Variants in SKIL observed in about 807,000 individuals in gnomAD.
SKIL encodes the protein ski-like protein.
In SKIL, 20 loss-of-function variants were observed where a neutral mutation model predicts 69.6. That is an observed-to-expected ratio of 0.29 (90% CI 0.20 to 0.42). The LOEUF (loss-of-function observed/expected upper bound fraction) is 0.42. SKIL is among the 10% of genes least tolerant of loss of function. The pLI is 1.00. For missense variants in SKIL, 745 were observed against 783.1 expected (o/e 0.95, Z 0.58); for synonymous variants, 310 against 279.9 (o/e 1.11, Z -1.08).
At chr3:170,375,929 G>C (rs1329569968) in intron 2 of SKIL, among the ~76,000 whole-genome samples, 1 of 151,954 alleles carries the variant, frequency 6.6e-6, no homozygotes, top group Middle Eastern at 3.2e-3. Context: ...GATTTCTTGG[G>C]CAGTACATCT....
intron 2 of SKIL, among the ~76,000 whole-genome samples, chr3:170,365,540 C>G (rs1736458667): frequency 6.6e-6 from 1 of 152,120 alleles, no homozygotes. Flanking sequence ...CTTTTGGTCC[C>G]AAGCATTTCT....
At chr3:170,358,475 G>T in intron 1 of SKIL, 1 of 152,672 alleles carries the variant, frequency 6.5e-6, no homozygotes, top group Non-Finnish European at 1.5e-5. Context: ...GAGATAGGTG[G>T]GTGGCTTTGA....
chr3:170,373,894 T>C (rs1336527207), intron 2 of SKIL, among the ~76,000 whole-genome samples: 2 of 151,940 alleles, frequency 1.3e-5, no homozygotes, highest in African/African-American at 4.8e-5. Context: ...AAAAAAAAAA[T>C]GTCTAAGAAT....
chr3:170,370,672 A>G (rs1736763716), intron 2 of SKIL, among the ~76,000 whole-genome samples: 1 of 152,162 alleles, frequency 6.6e-6, no homozygotes, highest in Admixed American at 6.5e-5. Context: ...GAGATTTCAA[A>G]TGGCATTAAA....
At chr3:170,392,176 T>G (rs1737958941) in intron 6 of SKIL, 83 bp from the exon 7 acceptor site, 6 of 1,145,334 alleles carry the variant, frequency 5.2e-6, no homozygotes, top group Non-Finnish European at 7.4e-6. Context: ...AAAAGTAATT[T>G]GAAAATAGAT....
chr3:170,384,476 T>C (rs1737517547), intron 3 of SKIL, 57 bp from the exon 4 acceptor site: 9 of 788,074 alleles, frequency 1.1e-5, no homozygotes, highest in Admixed American at 2.6e-5. Flanking sequence ...ACATATTTGA[T>C]TTTTACTTAA....
At chr3:170,390,916 A>G in intron 5 of SKIL, 120 bp from the exon 6 acceptor site, 5 of 624,614 alleles carry the variant, frequency 8.0e-6, no homozygotes, top group Admixed American at 3.0e-5. Flanking sequence ...AATTACCTCT[A>G]TATAGAACTG....
chr3:170,380,388 A>G (rs1486609113), intron 2 of SKIL, among the ~76,000 whole-genome samples: 2 of 152,270 alleles, frequency 1.3e-5, no homozygotes, highest in East Asian at 1.9e-4. Flanking sequence ...CATGCCTGTA[A>G]TCCCTGCACT....
At position 170,390,326 on chromosome 3, in the gene SKIL, C is replaced by T. The variant is rs754964253; in HGVS notation, c.1533C>T (p.Ala511=). 2.7e-5 allele frequency: 44 copies of T among 1,613,768 alleles called. No individual in the cohort carries two copies. The highest frequency in any genetic ancestry group is 3.3e-4 in the Middle Eastern group (2 of 6,082). The change falls in exon 5 of 7, where the codon GCC becomes GCT. Residue 511 remains alanine (A), a synonymous_variant. Coordinates refer to ENST00000259119, the MANE Select transcript of SKIL (RefSeq NM_005414.5). ...INKVGIGLVA[A]ASSPLLVKDV... is the part of the protein sequence containing the mutation. ...AAGTGGGAATTGGCCTTGTTGCTGC[C>T]GCTTCATCTCCGCTTCTTGTGAAAG...
intron 4 of SKIL, 152 bp downstream of exon 4, chr3:170,384,917 A>C (rs186289738): frequency 6.9e-5 from 38 of 549,584 alleles, no homozygotes; most frequent in Admixed American, 2.8e-4. Flanking sequence ...TGGGTGATTT[A>C]TTTTAATCTC....
chr3:170,387,855 A>C (rs1450953037), intron 4 of SKIL, among the ~76,000 whole-genome samples: 6 of 126,444 alleles, frequency 4.7e-5, no homozygotes, highest in African/African-American at 1.4e-4. Flanking sequence ...AATGGCGTGA[A>C]CCCGGGAGGC....
rs6784236 is a variant in SKIL, at chr3:170,364,354, G to A, written c.1098+2925G>A. On this transcript the variant is annotated intron_variant, in intron 2 of 6. Coordinates refer to ENST00000259119, the MANE Select transcript of SKIL (RefSeq NM_005414.5). ...TTTTTTTTTTTTGAGACAGAGTTTCGCTCTTATTGCCCAGGCTGGAGTACA... is the reference window on the plus strand; with the variant it reads ...TTTTTTTTTTTTGAGACAGAGTTTCACTCTTATTGCCCAGGCTGGAGTACA... 4.5e-4 allele frequency among the ~76,000 whole-genome samples: 44 copies of A among 97,824 alleles called. No homozygotes were observed. The East Asian group carries it at 0.014, about 32-fold the overall frequency. The allele number at this position is 97,824 out of a possible 152,430, so 64.2% of individuals were successfully genotyped here. A position where few individuals can be genotyped will look rare whatever the true frequency, so the allele number is the denominator to read the frequency against.
intron 2 of SKIL, among the ~76,000 whole-genome samples, chr3:170,363,185 A>G (rs1736330201): frequency 2.0e-5 from 3 of 152,104 alleles, no homozygotes; most frequent in African/African-American, 7.2e-5. Flanking sequence ...GCCCATTTCT[A>G]TTTTACAGAA....
chr3:170,377,078 T>G (rs1177441856), intron 2 of SKIL, among the ~76,000 whole-genome samples: 1 of 152,196 alleles, frequency 6.6e-6, no homozygotes, highest in African/African-American at 2.4e-5. Context: ...CATCTATCAT[T>G]TAGTATTTCT....
intron 1 of SKIL, among the ~76,000 whole-genome samples, chr3:170,358,201 C>T (rs1026715854): frequency 3.3e-5 from 5 of 152,198 alleles, no homozygotes; most frequent in Non-Finnish European, 7.4e-5. Flanking sequence ...CCTCTTCGTT[C>T]TGGCCCGGGG....
At chr3:170,366,716 T>C (rs7628591) in intron 2 of SKIL, among the ~76,000 whole-genome samples, 113,393 of 145,472 alleles carry the variant, frequency 0.78, 43,179 homozygotes, top group East Asian at 0.85. Context: ...CACACACACA[T>C]ACTTGATTTT....
intron 2 of SKIL, among the ~76,000 whole-genome samples, chr3:170,371,482 G>A (rs1262914268): frequency 3.3e-5 from 5 of 152,146 alleles, no homozygotes; most frequent in African/African-American, 1.2e-4. Context: ...ACTCCAGCCT[G>A]GGCAACAGAG....
intron 2 of SKIL, among the ~76,000 whole-genome samples, chr3:170,362,761 G>A (rs1199699752): frequency 2.6e-5 from 4 of 150,980 alleles, no homozygotes; most frequent in African/African-American, 9.8e-5. Context: ...GTTGCAGTAA[G>A]CCGAGATCAC....
chr3:170,378,378 C>G (rs1213007313), intron 2 of SKIL, among the ~76,000 whole-genome samples: 1 of 152,100 alleles, frequency 6.6e-6, no homozygotes, highest in Non-Finnish European at 1.5e-5. Flanking sequence ...AGTAATCAAA[C>G]CAGAGTTTGG....
Sources: allele counts gnomAD v4.1 joint callset (sites outside exome capture counted in the v4.1 genomes callset), GRCh38; gene constraint gnomAD v4.1.1; transcripts MANE v1.5; gene names NCBI Gene and HGNC (gene_info 2026-07-23, HGNC 2026-07-21).